The following SLC14A2 variants were observed in gnomAD, a reference collection of about 807,000 sequenced individuals.
SLC14A2 encodes the protein urea transporter 2.
A neutral mutation model predicts 104.6 loss-of-function variants in SLC14A2; 91 were observed. The ratio of observed to expected loss-of-function variants is 0.87; its 90% confidence interval spans 0.73 to 1.04. The LOEUF is 1.04. SLC14A2 is among the 50% of genes least tolerant of loss of function. The pLI is 0.00. For missense variants in SLC14A2, 1,189 were observed against 1,156.0 expected (o/e 1.03, Z -0.41); for synonymous variants, 476 against 466.4 (o/e 1.02, Z -0.27).
intron 1 of SLC14A2, among the ~76,000 whole-genome samples, chr18:45,229,844 C>T (rs1473900456): frequency 6.6e-6 from 1 of 151,372 alleles, no homozygotes; most frequent in Non-Finnish European, 1.5e-5. Context: ...AACTCTTCAC[C>T]CTATGGAATG....
chr18:45,555,194 T>C (rs1429576018), intron 2 of SLC14A2, among the ~76,000 whole-genome samples: 1 of 152,132 alleles, frequency 6.6e-6, no homozygotes, highest in African/African-American at 2.4e-5. Flanking sequence ...AGGGCAGAGG[T>C]ACAAGGTAGC....
chr18:45,462,998 G>T (rs532294658), intron 1 of SLC14A2, among the ~76,000 whole-genome samples: 1 of 152,006 alleles, frequency 6.6e-6, no homozygotes, highest in Non-Finnish European at 1.5e-5. Flanking sequence ...TGTTTCCCTC[G>T]GAGTGATCAA....
chr18:45,392,528 A>G lies in SLC14A2; in HGVS notation c.-124-90705A>G, dbSNP rs568174132. ...GCATATTTTTAAAAGATTTTTAGCT[A>G]AAATGGCTATTTGCTTTAGATGTTA... On this transcript the variant is annotated intron_variant, in intron 1 of 20. Transcript: ENST00000586448. Among the ~76,000 whole-genome samples, 5 of 152,346 alleles carry G rather than the reference A, an allele frequency of 3.3e-5. 1 individual carries two copies. Among genetic ancestry groups the G allele is most frequent in the African/African-American group, 1.2e-4 (5 of 41,586 alleles).
chr18:45,526,424 C>T (rs1314418514), intron 2 of SLC14A2, among the ~76,000 whole-genome samples: 1 of 152,116 alleles, frequency 6.6e-6, no homozygotes, highest in Non-Finnish European at 1.5e-5. Context: ...TTTCAGACAT[C>T]CTACCAATCA....
chr18:45,337,214 G>A (rs1037437159), intron 1 of SLC14A2, among the ~76,000 whole-genome samples: 1 of 152,014 alleles, frequency 6.6e-6, no homozygotes. Context: ...ATATGAAGGA[G>A]GGTCAATTTG....
At chr18:45,388,475 G>T (rs189360495) in intron 1 of SLC14A2, among the ~76,000 whole-genome samples, 115 of 152,196 alleles carry the variant, frequency 7.6e-4, no homozygotes, top group South Asian at 1.2e-3. Flanking sequence ...AAAAGACAGG[G>T]CATAGGCTGG....
At chr18:45,348,387 A>G (rs1245442315) in intron 1 of SLC14A2, among the ~76,000 whole-genome samples, 3 of 152,126 alleles carry the variant, frequency 2.0e-5, no homozygotes, top group Non-Finnish European at 4.4e-5. Flanking sequence ...GGGTCCAAAT[A>G]CTCCAGTGGC....
intron 2 of SLC14A2, among the ~76,000 whole-genome samples, chr18:45,508,451 C>G (rs2043316816): frequency 6.6e-6 from 1 of 152,226 alleles, no homozygotes; most frequent in South Asian, 2.1e-4. Context: ...GCTCTCTTCT[C>G]TTGTCTACCG....
At chr18:45,291,641 G>C (rs1463548231) in intron 1 of SLC14A2, among the ~76,000 whole-genome samples, 1 of 152,154 alleles carries the variant, frequency 6.6e-6, no homozygotes, top group Non-Finnish European at 1.5e-5. Flanking sequence ...CACTCTTCAG[G>C]AGAAGAATAA....
At chr18:45,250,121 T>C (rs1434374091) in intron 1 of SLC14A2, among the ~76,000 whole-genome samples, 2 of 152,170 alleles carry the variant, frequency 1.3e-5, no homozygotes, top group Non-Finnish European at 2.9e-5. Flanking sequence ...TGATATGATT[T>C]ACTAACAAAC....
At chr18:45,526,697 T>C (rs1330850554) in intron 2 of SLC14A2, among the ~76,000 whole-genome samples, 2 of 152,004 alleles carry the variant, frequency 1.3e-5, no homozygotes, top group Admixed American at 1.3e-4. Flanking sequence ...AATTCTGACT[T>C]AGCTGGAACA....
intron 2 of SLC14A2, among the ~76,000 whole-genome samples, chr18:45,566,853 G>A (rs1264768792): frequency 6.6e-6 from 1 of 152,240 alleles, no homozygotes; most frequent in South Asian, 2.1e-4. Context: ...GTGAGGGCTA[G>A]AAGTCAAGGT....
chr18:45,406,931 G>C (rs562585169), intron 1 of SLC14A2, among the ~76,000 whole-genome samples: 120 of 152,232 alleles, frequency 7.9e-4, no homozygotes, highest in Non-Finnish European at 1.0e-3. Flanking sequence ...TCCACTGATA[G>C]AGCATAGGCA....
chr18:45,592,768 A>C (rs931701102), intron 2 of SLC14A2, among the ~76,000 whole-genome samples: 3 of 152,254 alleles, frequency 2.0e-5, no homozygotes, highest in African/African-American at 7.2e-5. Flanking sequence ...CCCAGTAGAC[A>C]GTTCAAGTCC....
rs1555682874 is a variant in SLC14A2 at position 45,403,785 on chromosome 18, T to TG, written c.-124-79448_-124-79447insG. On this transcript the variant is annotated intron_variant, in intron 1 of 20. Transcript: ENST00000586448. The stretch of plus-strand genomic sequence containing the variant: ...ATGAATGAATGAATGAATGAATGAA[T>TG]AAATGAGTGGACATTCTATGAGTCA... Among the ~76,000 whole-genome samples, 147 of 152,262 alleles carry TG rather than the reference T, an allele frequency of 9.7e-4. 1 individual carries two copies. In the South Asian group the frequency reaches 0.018, roughly 19 times the overall value.
intron 1 of SLC14A2, among the ~76,000 whole-genome samples, chr18:45,482,173 A>C (rs1159807840): frequency 6.6e-6 from 1 of 152,244 alleles, no homozygotes; most frequent in Non-Finnish European, 1.5e-5. Flanking sequence ...CTTAGGAAAG[A>C]AGAACGTGTA....
intron 1 of SLC14A2, among the ~76,000 whole-genome samples, chr18:45,287,132 A>T (rs2084822732): frequency 6.6e-6 from 1 of 152,188 alleles, no homozygotes; most frequent in Non-Finnish European, 1.5e-5. Context: ...CCTTTTCCTA[A>T]ATAGCCTCTG....
At chr18:45,243,456 CA>C (rs1314874586) in intron 1 of SLC14A2, among the ~76,000 whole-genome samples, 4 of 152,172 alleles carry the variant, frequency 2.6e-5, no homozygotes, top group African/African-American at 9.7e-5. Context: ...CCAGCAGTCA[CA>C]GCTCCCACCC....
At chr18:45,282,937 C>A (rs1251905973) in intron 1 of SLC14A2, among the ~76,000 whole-genome samples, 4 of 152,028 alleles carry the variant, frequency 2.6e-5, no homozygotes, top group African/African-American at 9.7e-5. Flanking sequence ...AATACAAAAT[C>A]ATTTGTAAAA....
Sources: gnomAD v4.1 joint callset for allele counts (sites outside exome capture counted in the v4.1 genomes callset) on GRCh38, gnomAD v4.1.1 for gene constraint, MANE v1.5 for transcripts, NCBI Gene and HGNC (gene_info 2026-07-23, HGNC 2026-07-21) for gene names.